The following RORA variants were observed in gnomAD, a reference collection of about 807,000 sequenced individuals.
The protein encoded by RORA is RAR related orphan receptor A.
A neutral mutation model predicts 69.5 loss-of-function variants in RORA; 7 were observed. That is an observed-to-expected ratio of 0.10 (90% CI 0.06 to 0.19). The LOEUF is 0.19. Among genes scored for constraint, RORA ranks in the 10% least tolerant of loss-of-function variants. RORA has a pLI of 1.00. For synonymous variants in RORA, 261 were observed against 240.8 expected, an observed-to-expected ratio of 1.08 and a Z score of -0.78; for missense variants, 457 against 663.0, an observed-to-expected ratio of 0.69 and a Z score of 3.41.
intron 1 of RORA, among the ~76,000 whole-genome samples, chr15:61,209,806 T>C (rs1016018314): frequency 1.3e-5 from 2 of 152,248 alleles, no homozygotes; most frequent in African/African-American, 4.8e-5. Flanking sequence ...GTTATTCATG[T>C]GCATTAAAGT....
At chr15:61,025,157 G>T (rs945096924) in intron 1 of RORA, among the ~76,000 whole-genome samples, 3 of 152,116 alleles carry the variant, frequency 2.0e-5, no homozygotes, top group East Asian at 1.9e-4. Context: ...GATGAGCCAG[G>T]GTCAAGCTCC....
chr15:61,176,034 C>T (rs1005454528), intron 1 of RORA: 1 of 152,218 alleles, frequency 6.6e-6, no homozygotes, highest in Non-Finnish European at 1.5e-5. Flanking sequence ...CTAAATTCAT[C>T]TCTATATCTA....
At chr15:60,642,153 G>T (rs73424099) in intron 2 of RORA, among the ~76,000 whole-genome samples, 110 of 152,240 alleles carry the variant, frequency 7.2e-4, no homozygotes, top group African/African-American at 2.6e-3. Flanking sequence ...GTGCACGTGA[G>T]ACCACTGCTG....
chr15:60,661,876 A>G (rs2140719159), intron 2 of RORA, among the ~76,000 whole-genome samples: 1 of 152,344 alleles, frequency 6.6e-6, no homozygotes, highest in Non-Finnish European at 1.5e-5. Flanking sequence ...TGAAAATCCC[A>G]CGAATGCATG....
At chr15:60,505,010 C>T (rs990332822) in intron 6 of RORA, among the ~76,000 whole-genome samples, 1 of 152,154 alleles carries the variant, frequency 6.6e-6, no homozygotes, top group East Asian at 1.9e-4. Context: ...CAGAAAAAGG[C>T]AAGTAGGGTA....
chr15:61,182,292 C>T (rs1161274745), intron 1 of RORA, among the ~76,000 whole-genome samples: 1 of 152,210 alleles, frequency 6.6e-6, no homozygotes, highest in African/African-American at 2.4e-5. Context: ...AGCTCAGTAT[C>T]ATCAGGAACA....
At chr15:60,627,193 C>T in intron 2 of RORA, 1 of 1,572,624 alleles carries the variant, frequency 6.4e-7, no homozygotes, top group Non-Finnish European at 8.7e-7. Context: ...GGGGAGGGTA[C>T]ACAGTGATCA....
intron 1 of RORA, among the ~76,000 whole-genome samples, chr15:61,022,870 T>C (rs2140419497): frequency 6.6e-6 from 1 of 152,074 alleles, no homozygotes; most frequent in Admixed American, 6.5e-5. Context: ...GGCAGCAGTA[T>C]CCCTAGTGGT....
At chr15:60,839,828 G>A (rs2073172585) in intron 1 of RORA, among the ~76,000 whole-genome samples, 1 of 152,206 alleles carries the variant, frequency 6.6e-6, no homozygotes, top group African/African-American at 2.4e-5. Context: ...ATGTATATGT[G>A]CATATATCAT....
intron 1 of RORA, among the ~76,000 whole-genome samples, chr15:61,113,559 T>C (rs1193426257): frequency 6.6e-6 from 1 of 152,198 alleles, no homozygotes; most frequent in African/African-American, 2.4e-5. Context: ...GATACAGCTC[T>C]TCGTAAACCA....
At chr15:61,046,039 A>G (rs1011677585) in intron 1 of RORA, among the ~76,000 whole-genome samples, 1 of 152,136 alleles carries the variant, frequency 6.6e-6, no homozygotes, top group Non-Finnish European at 1.5e-5. Context: ...GCAGAGAGAA[A>G]AGAAAGCAAG....
intron 1 of RORA, among the ~76,000 whole-genome samples, chr15:60,789,267 G>C (rs1371161660): frequency 2.6e-5 from 4 of 152,238 alleles, no homozygotes; most frequent in Non-Finnish European, 5.9e-5. Context: ...CCTGGAAAAG[G>C]ACTCTCTTCA....
rs1362627961 is a variant in RORA at position 61,147,559 on chromosome 15, G to T, written c.166+81494C>A. 6.6e-6 allele frequency among the ~76,000 whole-genome samples: 1 copy of T among 152,202 alleles called. No homozygotes were observed. Among genetic ancestry groups the T allele is most frequent in the Admixed American group, 6.5e-5 (1 of 15,284 alleles). On this transcript the variant is annotated intron_variant, in intron 1 of 10. Coordinates refer to ENST00000335670, the MANE Select transcript of RORA (RefSeq NM_134261.3). The surrounding 1 kb of genome is among the most constrained non-coding windows in gnomAD (Gnocchi z 4.1). ...AGATAGGTTGGAAGCAGGAAAAAAAGATGAAATTATTTGAGGAGAAAGTTA... is the reference window on the plus strand; with the variant it reads ...AGATAGGTTGGAAGCAGGAAAAAAATATGAAATTATTTGAGGAGAAAGTTA...
chr15:61,005,014 T>C (rs910241258), intron 1 of RORA, among the ~76,000 whole-genome samples: 6 of 152,236 alleles, frequency 3.9e-5, no homozygotes, highest in African/African-American at 1.4e-4. Context: ...ATGCCTTAAA[T>C]GTGCAGATTC....
intron 1 of RORA, among the ~76,000 whole-genome samples, chr15:61,100,103 G>T (rs2078855378): frequency 6.7e-6 from 1 of 149,060 alleles, no homozygotes; most frequent in African/African-American, 2.5e-5. Flanking sequence ...GGAATGAATG[G>T]TCAATTTTCT....
chr15:60,860,979 C>A (rs976895727), intron 1 of RORA, among the ~76,000 whole-genome samples: 2 of 152,154 alleles, frequency 1.3e-5, no homozygotes, highest in Non-Finnish European at 2.9e-5. Context: ...GATACATCAA[C>A]CAATAAATAA....
At chr15:60,627,211 A>C (rs1349236869) in intron 2 of RORA, 2 of 1,611,764 alleles carry the variant, frequency 1.2e-6, no homozygotes, top group Non-Finnish European at 1.7e-6. Context: ...TCAGCAGAGC[A>C]AAGAACTTGC....
chr15:60,949,566 G>C (rs559750012), intron 1 of RORA, among the ~76,000 whole-genome samples: 2 of 152,140 alleles, frequency 1.3e-5, no homozygotes, highest in African/African-American at 4.8e-5. Flanking sequence ...TCCAATTGTC[G>C]TAGCCTCGTC....
chr15:61,130,290 G>C (rs1472238041), intron 1 of RORA, among the ~76,000 whole-genome samples: 1 of 152,142 alleles, frequency 6.6e-6, no homozygotes, highest in Non-Finnish European at 1.5e-5. Context: ...TCTGATGCTG[G>C]GAGTTGGCTC....
Sources: allele counts gnomAD v4.1 joint callset (sites outside exome capture counted in the v4.1 genomes callset), GRCh38; gene constraint gnomAD v4.1.1; non-coding constraint Gnocchi (gnomAD v3.1); transcripts MANE v1.5; gene names NCBI Gene and HGNC (gene_info 2026-07-23, HGNC 2026-07-21).